NRCAM: variants seen among roughly 807,000 people sequenced by gnomAD.
NRCAM encodes the protein NgCAM-related cell adhesion molecule.
In NRCAM, 83 loss-of-function variants were observed where a neutral mutation model predicts 156.5. The observed-to-expected ratio is 0.53, with a 90% CI of 0.44 to 0.64. NRCAM has a LOEUF of 0.64. Among genes scored for constraint, NRCAM ranks in the 30% least tolerant of loss-of-function variants. NRCAM has a pLI of 0.00. For synonymous variants in NRCAM, 538 were observed against 563.9 expected (o/e 0.95, Z 0.65); for missense variants, 1,417 against 1,597.3 (o/e 0.89, Z 1.92).
chr7:108,234,675 T>C lies in NRCAM; in HGVS notation c.138A>G (p.Pro46=). ...CTTTTGGAGACTGTTGGGTGATGGTTGGAGGCTGTACCACTTAATTGTAGA... is the reference window on the plus strand; with the variant it reads ...CTTTTGGAGACTGTTGGGTGATGGTCGGAGGCTGTACCACTTAATTGTAGA... ...PKLLEDLVQP[P]TITQQSPKDY... is the part of the protein sequence containing the mutation. The change falls in exon 6 of 33, where the codon CCA becomes CCG. Residue 46 remains proline (P), a synonymous_variant. Transcript: ENST00000379028. The C allele has an allele frequency of 6.2e-7, 1 of 1,607,342 alleles. No homozygotes were observed. Among genetic ancestry groups the C allele is most frequent in the Non-Finnish European group, 8.5e-7 (1 of 1,174,326 alleles).
rs556337012 is a variant in NRCAM, at chr7:108,383,250, T to A, written c.-174+16186A>T. Among the ~76,000 whole-genome samples, 3 of 152,214 alleles carry A rather than the reference T, an allele frequency of 2.0e-5. No homozygotes were observed. In the South Asian group the frequency reaches 6.2e-4, roughly 32 times the overall value. On this transcript the variant is annotated intron_variant, in intron 2 of 32. Transcript: ENST00000379028. Reference sequence around the variant, plus strand: ...GATTAAGAATCCAAACATATTAAAGTGAGAATTGGGAGTTATTTTCACTTC... The same window carrying A: ...GATTAAGAATCCAAACATATTAAAGAGAGAATTGGGAGTTATTTTCACTTC...
chr7:108,212,951 T>C (rs1159128690), intron 11 of NRCAM, among the ~76,000 whole-genome samples: 1 of 152,142 alleles, frequency 6.6e-6, no homozygotes, highest in Admixed American at 6.5e-5. Flanking sequence ...CATCAGGTTA[T>C]CCAAAGTTAA....
chr7:108,226,817 G>A (rs1313433526), intron 8 of NRCAM, among the ~76,000 whole-genome samples: 2 of 152,026 alleles, frequency 1.3e-5, no homozygotes, highest in African/African-American at 2.4e-5. Context: ...AACTAAATAC[G>A]TGGAGACCAT....
chr7:108,224,362 G>A (rs1213177284), intron 10 of NRCAM, among the ~76,000 whole-genome samples: 2 of 152,070 alleles, frequency 1.3e-5, no homozygotes, highest in East Asian at 1.9e-4. Flanking sequence ...GAGGTTTATG[G>A]AAAACAAAAG....
intron 1 of NRCAM, among the ~76,000 whole-genome samples, chr7:108,417,715 C>CTTTCT (rs142843139): frequency 4.3e-4 from 65 of 152,202 alleles, no homozygotes; most frequent in Non-Finnish European, 7.2e-4. Context: ...GCAGATGGCT[C>CTTTCT]TTTCTTTTCT....
At chr7:108,324,926 T>G (rs1385088514) in intron 2 of NRCAM, among the ~76,000 whole-genome samples, 2 of 139,066 alleles carry the variant, frequency 1.4e-5, no homozygotes, top group Non-Finnish European at 3.0e-5. Flanking sequence ...ATGGCTGGTG[T>G]AATCAGACAC....
chr7:108,212,081 C>T (rs2084864765), intron 11 of NRCAM, among the ~76,000 whole-genome samples: 1 of 152,198 alleles, frequency 6.6e-6, no homozygotes, highest in Non-Finnish European at 1.5e-5. Context: ...TCTGTGCAAA[C>T]AAACTCCAAT....
chr7:108,289,650 A>C (rs2098224837), intron 3 of NRCAM, among the ~76,000 whole-genome samples: 1 of 152,158 alleles, frequency 6.6e-6, no homozygotes, highest in Non-Finnish European at 1.5e-5. Flanking sequence ...AATGCCATCA[A>C]TACCTATGTC....
chr7:108,366,343 C>T (rs763920707), intron 2 of NRCAM, among the ~76,000 whole-genome samples: 2 of 152,144 alleles, frequency 1.3e-5, no homozygotes, highest in East Asian at 1.9e-4. Context: ...GACATTTACA[C>T]AGAAATTTTA....
chr7:108,319,642 T>C (rs900259816), intron 2 of NRCAM, among the ~76,000 whole-genome samples: 6 of 152,178 alleles, frequency 3.9e-5, no homozygotes, highest in Non-Finnish European at 5.9e-5. Flanking sequence ...CAGGGGTGTG[T>C]GGTGCTCCTA....
At chr7:108,235,770 T>C (rs1319556017) in intron 5 of NRCAM, among the ~76,000 whole-genome samples, 9 of 152,112 alleles carry the variant, frequency 5.9e-5, no homozygotes, top group Admixed American at 5.9e-4. Flanking sequence ...CCAGGGATGT[T>C]GCTAAACATC....
chr7:108,236,154 T>C (rs145088624), intron 5 of NRCAM, among the ~76,000 whole-genome samples: 5 of 152,318 alleles, frequency 3.3e-5, no homozygotes, highest in African/African-American at 4.8e-5. Flanking sequence ...TTGTGGTTAA[T>C]TGTTGCTAGA....
At chr7:108,176,630 A>C (rs771755537) in intron 26 of NRCAM, 24 bp from the exon 27 acceptor site, 1 of 1,564,052 alleles carries the variant, frequency 6.4e-7, no homozygotes. Flanking sequence ...ATAATGAACA[A>C]GTGCATTCTC....
At chr7:108,177,554 T>C (rs981383924) in intron 26 of NRCAM, among the ~76,000 whole-genome samples, 16 of 151,324 alleles carry the variant, frequency 1.1e-4, no homozygotes, top group Admixed American at 7.2e-4. Flanking sequence ...ACTCGGGAGA[T>C]GGAGCTTGCA....
At chr7:108,445,391 A>C (rs952010706) in intron 1 of NRCAM, among the ~76,000 whole-genome samples, 16 of 152,206 alleles carry the variant, frequency 1.1e-4, no homozygotes, top group African/African-American at 3.9e-4. Context: ...CAAGGGTATC[A>C]ATCTCCAGGC....
chr7:108,234,485 T>C (rs1003326667), intron 6 of NRCAM, 98 bp downstream of exon 6: 7 of 763,152 alleles, frequency 9.2e-6, no homozygotes, highest in African/African-American at 1.7e-5. Flanking sequence ...CTCTACATAG[T>C]CTGCCTTGTT....
At chr7:108,439,657 C>A (rs1836282211) in intron 1 of NRCAM, among the ~76,000 whole-genome samples, 1 of 151,764 alleles carries the variant, frequency 6.6e-6, no homozygotes, top group South Asian at 2.1e-4. Context: ...GAGTTTGAGA[C>A]CAGCCTATCT....
intron 1 of NRCAM, among the ~76,000 whole-genome samples, chr7:108,450,582 T>C (rs1396777467): frequency 6.6e-6 from 1 of 151,608 alleles, no homozygotes; most frequent in Non-Finnish European, 1.5e-5. Context: ...GCTCTTGTTC[T>C]AGATTAAAAT....
At chr7:108,212,515 G>C (rs2085175387) in intron 11 of NRCAM, among the ~76,000 whole-genome samples, 1 of 152,096 alleles carries the variant, frequency 6.6e-6, no homozygotes, top group Admixed American at 6.5e-5. Context: ...GAAGCAAAGG[G>C]AGAAATAGTC....
Sources: allele counts gnomAD v4.1 joint callset (sites outside exome capture counted in the v4.1 genomes callset), GRCh38; gene constraint gnomAD v4.1.1; transcripts MANE v1.5; gene names NCBI Gene and HGNC (gene_info 2026-07-23, HGNC 2026-07-21).